The following ZNRF3 variants were observed in gnomAD, a reference collection of about 807,000 sequenced individuals.
The protein encoded by ZNRF3 is E3 ubiquitin-protein ligase ZNRF3.
A neutral mutation model predicts 72.5 loss-of-function variants in ZNRF3; 23 were observed. The ratio of observed to expected loss-of-function variants is 0.32; its 90% CI spans 0.23 to 0.45. The LOEUF (loss-of-function observed/expected upper bound fraction) is 0.45. Among genes scored for constraint, ZNRF3 ranks in the 20% least tolerant of loss-of-function variants. The pLI is 1.00. For synonymous variants in ZNRF3, 610 were observed against 545.3 expected (o/e 1.12, Z -1.65); for missense variants, 1,169 against 1,272.1 (o/e 0.92, Z 1.23).
rs573082961 is a variant in ZNRF3 at position 28,939,979 on chromosome 22, T to C, written c.301-47097T>C. Among the ~76,000 whole-genome samples, 5 of 152,362 alleles carry C rather than the reference T, an allele frequency of 3.3e-5. No individual in the cohort carries two copies. The South Asian group carries it at 1.0e-3, about 32-fold the overall frequency. On this transcript the variant is annotated intron_variant, in intron 1 of 8. Transcript: ENST00000544604. ...CTTGATATATGAGTAGTCCTCATTA[T>C]GAATTAACTTAATCCTCAGGTCTTT...
chr22:29,001,699 C>T (rs943010830), intron 2 of ZNRF3, among the ~76,000 whole-genome samples: 1 of 152,148 alleles, frequency 6.6e-6, no homozygotes, highest in African/African-American at 2.4e-5. Context: ...TCTCGAACTC[C>T]TGACCTCAAG....
chr22:28,968,952 T>C (rs527355319), intron 1 of ZNRF3, among the ~76,000 whole-genome samples: 1 of 152,276 alleles, frequency 6.6e-6, no homozygotes, highest in African/African-American at 2.4e-5. Context: ...ACAGGTCTCA[T>C]AGTGACATGT....
At chr22:28,993,890 C>T (rs145914285) in intron 2 of ZNRF3, among the ~76,000 whole-genome samples, 10 of 152,228 alleles carry the variant, frequency 6.6e-5, no homozygotes, top group African/African-American at 2.4e-4. Context: ...AATATATTAC[C>T]CAGGCAACAG....
intron 5 of ZNRF3, among the ~76,000 whole-genome samples, chr22:29,045,684 C>T (rs2037055579): frequency 6.6e-6 from 1 of 152,138 alleles, no homozygotes. Context: ...ACCATGTTGG[C>T]CAGCCTGGTC....
chr22:28,949,392 A>G (rs1014638271), intron 1 of ZNRF3, among the ~76,000 whole-genome samples: 3 of 152,226 alleles, frequency 2.0e-5, no homozygotes, highest in Middle Eastern at 3.4e-3. Flanking sequence ...CTTCCACCTC[A>G]GCCTCCAAGT....
chr22:28,978,982 C>A (rs947650253), intron 1 of ZNRF3, among the ~76,000 whole-genome samples: 6 of 152,076 alleles, frequency 3.9e-5, no homozygotes, highest in Admixed American at 2.6e-4. Context: ...TTAATCATTG[C>A]TCCCCTCACC....
intron 1 of ZNRF3, among the ~76,000 whole-genome samples, chr22:28,895,546 A>G (rs895028950): frequency 2.0e-5 from 3 of 152,110 alleles, no homozygotes; most frequent in African/African-American, 7.2e-5. Flanking sequence ...GGGTGCCTGT[A>G]GTCCCAGCTA....
chr22:28,946,906 C>G (rs2035062297), intron 1 of ZNRF3, among the ~76,000 whole-genome samples: 1 of 152,154 alleles, frequency 6.6e-6, no homozygotes, highest in Non-Finnish European at 1.5e-5. Flanking sequence ...CCTTACGCTT[C>G]CTCAGCCTTC....
In ZNRF3 at chr22:29,054,154, TA is replaced by T. The variant is rs1276347317; in HGVS notation, c.*533del. On this transcript the variant is annotated 3_prime_UTR_variant, in exon 9 of 9. Transcript: ENST00000544604. ...AGAAACTTGAAGTAAAGCTAGTTGA[TA>T]GGGGTACAGGCTCTGAGGAGCAGTG... 1 of 152,524 alleles carries T rather than the reference TA, an allele frequency of 6.6e-6. No homozygotes were observed. Among genetic ancestry groups the T allele is most frequent in the African/African-American group, 2.4e-5 (1 of 41,468 alleles). 9.4% of individuals were successfully genotyped at this position (152,524 alleles called of 1,614,324 possible). A position where few individuals can be genotyped will look rare whatever the true frequency, so the allele number is the denominator to read the frequency against.
At chr22:28,934,445 T>C (rs370332160) in intron 1 of ZNRF3, among the ~76,000 whole-genome samples, 2 of 152,156 alleles carry the variant, frequency 1.3e-5, no homozygotes, top group East Asian at 3.9e-4. Context: ...CTGTTTCCCC[T>C]GAATGTTGAA....
chr22:29,042,991 T>C (rs2036995852), intron 3 of ZNRF3, among the ~76,000 whole-genome samples: 1 of 152,094 alleles, frequency 6.6e-6, no homozygotes, highest in South Asian at 2.1e-4. Context: ...GCCAGGCTGG[T>C]CTTGAACTCT....
chr22:28,968,354 ATTCT>A (rs1300193958), intron 1 of ZNRF3, among the ~76,000 whole-genome samples: 1 of 152,066 alleles, frequency 6.6e-6, no homozygotes, highest in Non-Finnish European at 1.5e-5. Context: ...ATATTTCCTT[ATTCT>A]TTCTTATAGC....
intron 1 of ZNRF3, among the ~76,000 whole-genome samples, chr22:28,915,653 A>T (rs2034394076): frequency 6.6e-6 from 1 of 152,222 alleles, no homozygotes; most frequent in Admixed American, 6.5e-5. Flanking sequence ...TTTTGGAAGG[A>T]CAAAGTGGAA....
At chr22:28,939,487 C>T (rs1371409909) in intron 1 of ZNRF3, among the ~76,000 whole-genome samples, 1 of 152,114 alleles carries the variant, frequency 6.6e-6, no homozygotes, top group East Asian at 1.9e-4. Context: ...TTGGAAAGTT[C>T]CGGATAGAAA....
intron 2 of ZNRF3, among the ~76,000 whole-genome samples, chr22:29,007,605 C>T (rs1258603502): frequency 6.6e-6 from 1 of 152,048 alleles, no homozygotes; most frequent in South Asian, 2.1e-4. Flanking sequence ...TGCACTCCAG[C>T]CTGGGGTGAC....
At chr22:29,020,584 A>G (rs533021239) in intron 2 of ZNRF3, among the ~76,000 whole-genome samples, 1 of 151,636 alleles carries the variant, frequency 6.6e-6, no homozygotes, top group South Asian at 2.1e-4. Flanking sequence ...TTCTTTTCCG[A>G]GTATTTTTCA....
At position 28,883,737 on chromosome 22, in the gene ZNRF3, C is replaced by CCGCCCTCCG. The variant is rs1337528295; in HGVS notation, c.-21_-13dup. 5 of 980,432 alleles carry CCGCCCTCCG rather than the reference C, an allele frequency of 5.1e-6. No homozygotes were observed. In the African/African-American group the frequency reaches 7.1e-5, roughly 14 times the overall value. 60.7% of individuals were successfully genotyped at this position (980,432 alleles called of 1,614,324 possible). On this transcript the variant is annotated 5_prime_UTR_variant, in exon 1 of 9. Transcript: ENST00000544604. The surrounding 1 kb of genome is among the most constrained non-coding windows in gnomAD (Gnocchi z 5.5). ...GGCCCGCGACTATGCCCGGCCGCGCCCGCCCTCCGCGCCCTCCCGCCGCAG... is the reference window on the plus strand; with the variant it reads ...GGCCCGCGACTATGCCCGGCCGCGCCCGCCCTCCGCGCCCTCCGCGCCCTCCCGCCGCAG...
intron 1 of ZNRF3, among the ~76,000 whole-genome samples, chr22:28,918,627 A>G (rs1387134742): frequency 1.3e-5 from 2 of 151,842 alleles, no homozygotes; most frequent in Non-Finnish European, 2.9e-5. Context: ...AGATAGTTAG[A>G]ATACAGCCAC....
At chr22:28,990,678 GTCAA>G (rs1839356554) in intron 2 of ZNRF3, among the ~76,000 whole-genome samples, 1 of 152,070 alleles carries the variant, frequency 6.6e-6, no homozygotes, top group African/African-American at 2.4e-5. Context: ...CCTGTCTCCA[GTCAA>G]TCAATCAGTC....
Sources: gnomAD v4.1 joint callset for allele counts (sites outside exome capture counted in the v4.1 genomes callset) on GRCh38, gnomAD v4.1.1 for gene constraint, Gnocchi (gnomAD v3.1) non-coding constraint, MANE v1.5 for transcripts, NCBI Gene and HGNC (gene_info 2026-07-23, HGNC 2026-07-21) for gene names.